The following ADH5 variants were observed in gnomAD, a reference collection of about 807,000 sequenced individuals.
ADH5 encodes the protein alcohol dehydrogenase class-3.
A neutral mutation model predicts 40.3 loss-of-function variants in ADH5; 32 were observed. That is an observed-to-expected ratio of 0.79 (90% confidence interval 0.60 to 1.07). The LOEUF is 1.07. Among genes scored for constraint, ADH5 ranks in the 50% least tolerant of loss-of-function variants. ADH5 has a pLI of 0.00. For synonymous variants in ADH5, 125 were observed against 154.3 expected, an observed-to-expected ratio of 0.81 and a Z score of 1.41; for missense variants, 353 against 460.5, an observed-to-expected ratio of 0.77 and a Z score of 2.14.
At chr4:99,073,842 G>C (rs762991405) in intron 7 of ADH5, among the ~76,000 whole-genome samples, 1 of 152,212 alleles carries the variant, frequency 6.6e-6, no homozygotes, top group Non-Finnish European at 1.5e-5. Flanking sequence ...TTACTAGCAA[G>C]ATCCCCTGGA....
At chr4:99,076,576 A>G (rs774375296) in intron 5 of ADH5, 24 bp from the exon 6 acceptor site, 2 of 1,607,108 alleles carry the variant, frequency 1.2e-6, no homozygotes, top group South Asian at 2.2e-5. Flanking sequence ...AAGTTTATAA[A>G]GTACTCATTC....
Position 99,072,557 on chromosome 4 carries a change from TAA to T in ADH5, c.1100+14_1100+15del. On this transcript the variant is annotated intron_variant, in intron 8 of 8. Coordinates refer to ENST00000296412, the MANE Select transcript of ADH5 (RefSeq NM_000671.4). ...CATCATTATTACATTCTATGATATA[TAA>T]AGAGAAAGCCTACCTCTTTCCAGAA... The T allele has an allele frequency of 6.2e-7, 1 of 1,609,564 alleles. No individual in the cohort carries two copies. Among genetic ancestry groups the T allele is most frequent in the South Asian group, 1.1e-5 (1 of 90,100 alleles).
intron 6 of ADH5, 177 bp from the exon 7 acceptor site, chr4:99,075,226 T>G (rs33983197): frequency 0.41 from 2,521 of 6,212 alleles, 3 homozygotes; most frequent in Middle Eastern, 0.5. Context: ...TTTTTTGTTG[T>G]TTTTTTTTTT....
At chr4:99,079,098 C>G (rs557319031) in intron 4 of ADH5, among the ~76,000 whole-genome samples, 5 of 152,158 alleles carry the variant, frequency 3.3e-5, no homozygotes, top group African/African-American at 1.2e-4. Flanking sequence ...TACAAGTACA[C>G]GAGAGAGCTG....
chr4:99,075,194 T>C (rs1306952339), intron 6 of ADH5, 145 bp from the exon 7 acceptor site: 1 of 609,964 alleles, frequency 1.6e-6, no homozygotes, highest in Non-Finnish European at 2.6e-6. Context: ...CTCAATGTTA[T>C]TGAACAATTT....
intron 1 of ADH5, among the ~76,000 whole-genome samples, chr4:99,087,695 A>G (rs1392226369): frequency 6.6e-6 from 1 of 152,172 alleles, no homozygotes; most frequent in Non-Finnish European, 1.5e-5. Context: ...TGACAATTCT[A>G]AGCAAAACAA....
At chr4:99,088,622 AG>A in intron 1 of ADH5, 66 bp downstream of exon 1, 3 of 1,465,674 alleles carry the variant, frequency 2.0e-6, no homozygotes, top group Non-Finnish European at 2.7e-6. Flanking sequence ...CCCCGAGGAT[AG>A]CAGCCTAGTC....
intron 2 of ADH5, among the ~76,000 whole-genome samples, chr4:99,082,758 A>G (rs2110462980): frequency 6.6e-6 from 1 of 151,996 alleles, no homozygotes; most frequent in Non-Finnish European, 1.5e-5. Flanking sequence ...CTCACTGCAA[A>G]CTCCGCCTCC....
chr4:99,082,919 GC>G (rs1218156770), intron 2 of ADH5, among the ~76,000 whole-genome samples: 1 of 152,086 alleles, frequency 6.6e-6, no homozygotes, highest in Non-Finnish European at 1.5e-5. Context: ...CTCATTATCT[GC>G]CTGCCTTGGC....
intron 6 of ADH5, chr4:99,075,265 C>A: frequency 3.6e-6 from 1 of 280,892 alleles, no homozygotes; most frequent in Non-Finnish European, 6.4e-6. Flanking sequence ...CTCTGGCACC[C>A]AGGCTGGAGT....
Position 99,085,410 on chromosome 4 carries a change from T to C in ADH5, c.13-194A>G, listed in dbSNP as rs561402239. On this transcript the variant is annotated intron_variant, in intron 1 of 8. Transcript: ENST00000296412. ...ATCAAAAATGATTTAATTGAGATGA[T>C]TACCTGGTCAGATAGAAAAGTATCT... 2.3e-4 allele frequency: 96 copies of C among 420,908 alleles called. 1 individual carries two copies. The highest frequency in any genetic ancestry group is 2.2e-3 in the South Asian group (31 of 14,132). 26.1% of individuals were successfully genotyped at this position (420,908 alleles called of 1,614,324 possible). A position where few individuals can be genotyped will look rare whatever the true frequency, so the allele number is the denominator to read the frequency against.
At chr4:99,082,394 A>G (rs1326940585) in intron 2 of ADH5, among the ~76,000 whole-genome samples, 1 of 152,212 alleles carries the variant, frequency 6.6e-6, no homozygotes, top group Admixed American at 6.5e-5. Flanking sequence ...GCGCGTTAGC[A>G]AGAGAAGGTA....
chr4:99,071,780 A>T lies in ADH5; in HGVS notation c.*637T>A, dbSNP rs75902195. The T allele has an allele frequency of 6.6e-6, 1 of 152,254 alleles. No individual in the cohort carries two copies. The highest frequency in any genetic ancestry group is 2.4e-5 in the African/African-American group (1 of 41,454). 9.4% of individuals were successfully genotyped at this position (152,254 alleles called of 1,614,324 possible). Reference sequence around the variant, plus strand: ...TCAGTATGTAGTTCACTATACTAGAAATAGTACAGTCACAACCAACACATA... The same window carrying T: ...TCAGTATGTAGTTCACTATACTAGATATAGTACAGTCACAACCAACACATA... On this transcript the variant is annotated 3_prime_UTR_variant, in exon 9 of 9. Transcript: ENST00000296412.
chr4:99,085,315 A>G (rs1396685845), intron 1 of ADH5, 99 bp from the exon 2 acceptor site: 3 of 474,662 alleles, frequency 6.3e-6, no homozygotes, highest in African/African-American at 2.0e-5. Flanking sequence ...CTTAAAAAGT[A>G]TATCACAGAT....
chr4:99,088,705 A>G lies in ADH5; in HGVS notation c.-5T>C, dbSNP rs759597389. 1.2e-5 allele frequency: 19 copies of G among 1,583,578 alleles called. No homozygotes were observed. The South Asian group carries it at 2.1e-4, about 18-fold the overall frequency. On this transcript the variant is annotated 5_prime_UTR_variant, in exon 1 of 9. An upstream open reading frame in the 5' UTR loses its in-frame stop. Transcript: ENST00000296412. ...GGGCCCTACCTCGTTCGCCATGTTC[A>G]CGGATTCTGGTCGGCGCGGGGGGCT...
At chr4:99,077,060 T>C in intron 4 of ADH5, 137 bp from the exon 5 acceptor site, 1 of 663,268 alleles carries the variant, frequency 1.5e-6, no homozygotes, top group Non-Finnish European at 2.5e-6. Flanking sequence ...TATTCATTAG[T>C]AATTTAGCAC....
intron 2 of ADH5, among the ~76,000 whole-genome samples, 183 bp from the exon 3 acceptor site, chr4:99,082,299 A>T (rs1728040970): frequency 6.6e-6 from 1 of 152,248 alleles, no homozygotes; most frequent in South Asian, 2.1e-4. Context: ...AACAATTAGA[A>T]TTGGCAGCAA....
chr4:99,080,109 C>T (rs1728000789), intron 4 of ADH5: 2 of 359,888 alleles, frequency 5.6e-6, no homozygotes, highest in Non-Finnish European at 1.1e-5. Flanking sequence ...GAGACACTCA[C>T]AACAGAAACA....
chr4:99,087,886 T>C (rs188344927), intron 1 of ADH5, among the ~76,000 whole-genome samples: 2 of 152,348 alleles, frequency 1.3e-5, no homozygotes, highest in Admixed American at 1.3e-4. Context: ...TTAAGGCCAT[T>C]TGTCTTACTA....
Sources: gnomAD v4.1 joint callset for allele counts (sites outside exome capture counted in the v4.1 genomes callset) on GRCh38, gnomAD v4.1.1 for gene constraint, MANE v1.5 for transcripts, NCBI Gene and HGNC (gene_info 2026-07-23, HGNC 2026-07-21) for gene names.